The following CREBBP variants were observed in gnomAD, a reference collection of about 807,000 sequenced individuals.
CREBBP encodes CREB binding lysine acetyltransferase, also known as CREB-binding protein.
CREBBP carries 19 observed loss-of-function variants against 265.0 expected under a neutral mutation model. The observed-to-expected ratio is 0.07, with a 90% CI of 0.05 to 0.11. CREBBP has a LOEUF of 0.11. Among genes scored for constraint, CREBBP ranks in the 10% least tolerant of loss-of-function variants. The pLI is 1.00. For synonymous variants in CREBBP, 1,457 were observed against 1,223.7 expected (o/e 1.19, Z -3.98); for missense variants, 2,525 against 3,219.0 (o/e 0.78, Z 5.22).
At chr16:3,778,930 G>A in intron 8 of CREBBP, 113 bp from the exon 9 acceptor site, 1 of 825,750 alleles carries the variant, frequency 1.2e-6, no homozygotes, top group Non-Finnish European at 2.0e-6. Context: ...ACTTTGGGAG[G>A]CTGAGGCGGG....
intron 2 of CREBBP, among the ~76,000 whole-genome samples, chr16:3,828,570 A>T (rs986354477): frequency 6.6e-6 from 1 of 152,118 alleles, no homozygotes; most frequent in Non-Finnish European, 1.5e-5. Context: ...AATTAGACTC[A>T]CTCTCCAGGT....
intron 5 of CREBBP, among the ~76,000 whole-genome samples, chr16:3,783,408 T>C (rs2053318422): frequency 6.6e-6 from 1 of 152,236 alleles, no homozygotes; most frequent in African/African-American, 2.4e-5. Flanking sequence ...GCAGAGATGA[T>C]ACCTGGTCGG....
chr16:3,797,090 G>A (rs185078331), intron 3 of CREBBP, among the ~76,000 whole-genome samples: 2 of 152,144 alleles, frequency 1.3e-5, no homozygotes, highest in Admixed American at 6.5e-5. Flanking sequence ...GCATCCTTCA[G>A]ACTTTCCCAA....
rs1040657272 is a variant in CREBBP, at chr16:3,727,073, A to G, written c.*645T>C. The G allele has an allele frequency of 4.3e-6, 1 of 234,020 alleles. No individual in the cohort carries two copies. The highest frequency in any genetic ancestry group is 8.4e-6 in the Non-Finnish European group (1 of 118,384). 14.5% of individuals were successfully genotyped at this position (234,020 alleles called of 1,614,324 possible). A position where few individuals can be genotyped will look rare whatever the true frequency, so the allele number is the denominator to read the frequency against. ...TTTTGTCTAAAACCAGTTTTATCAG[A>G]GAAACAAAGCAACAATTTCTACATC... On this transcript the variant is annotated 3_prime_UTR_variant, in exon 31 of 31. Coordinates refer to ENST00000262367, the MANE Select transcript of CREBBP (RefSeq NM_004380.3).
At chr16:3,792,802 G>A (rs1340390347) in intron 4 of CREBBP, among the ~76,000 whole-genome samples, 2 of 152,238 alleles carry the variant, frequency 1.3e-5, no homozygotes, top group Non-Finnish European at 2.9e-5. Flanking sequence ...GAAATGAGGT[G>A]TCTGCGGTAA....
At chr16:3,814,197 T>TGTGTGTG (rs2053992115) in intron 2 of CREBBP, among the ~76,000 whole-genome samples, 1 of 110,098 alleles carries the variant, frequency 9.1e-6, no homozygotes, top group Non-Finnish European at 1.8e-5. Flanking sequence ...GTGTGTGTGT[T>TGTGTGTG]TGAGACAGAG....
At chr16:3,849,433 G>GTGTGTGTGTGTGATGTGCGTGACCT (rs2054755184) in intron 2 of CREBBP, among the ~76,000 whole-genome samples, 1 of 14,316 alleles carries the variant, frequency 7.0e-5, no homozygotes, top group African/African-American at 1.3e-4. Flanking sequence ...GTGTGTGTGT[G>GTGTGTGTGTGTGATGTGCGTGACCT]TGTGTGTGTG....
chr16:3,809,205 T>C, intron 3 of CREBBP, among the ~76,000 whole-genome samples: 1 of 150,672 alleles, frequency 6.6e-6, no homozygotes. Context: ...TGAGACAGAG[T>C]CTTGCTCTGC....
intron 1 of CREBBP, among the ~76,000 whole-genome samples, chr16:3,879,456 G>A (rs1318744715): frequency 1.3e-5 from 2 of 152,200 alleles, no homozygotes; most frequent in African/African-American, 4.8e-5. Context: ...AAGCATCAAA[G>A]GTACCCTCCG....
intron 24 of CREBBP, among the ~76,000 whole-genome samples, chr16:3,739,972 C>A (rs536803927): frequency 6.6e-6 from 1 of 152,216 alleles, no homozygotes; most frequent in Non-Finnish European, 1.5e-5. Flanking sequence ...CTGAGGAGGA[C>A]TGGCTATACA....
At chr16:3,806,092 G>A (rs990377303) in intron 3 of CREBBP, among the ~76,000 whole-genome samples, 2 of 152,222 alleles carry the variant, frequency 1.3e-5, no homozygotes, top group Admixed American at 1.3e-4. Flanking sequence ...GCCATGGACA[G>A]GTGCTGAGAC....
At chr16:3,837,660 A>T (rs2054482490) in intron 2 of CREBBP, among the ~76,000 whole-genome samples, 1 of 150,992 alleles carries the variant, frequency 6.6e-6, no homozygotes, top group South Asian at 2.1e-4. Context: ...AAAAAATTTT[A>T]AAATAGAAAA....
At chr16:3,851,305 T>TAAA (rs2054830531) in intron 1 of CREBBP, among the ~76,000 whole-genome samples, 1 of 69,002 alleles carries the variant, frequency 1.4e-5, no homozygotes, top group African/African-American at 6.7e-5. Context: ...AAAAAAAAAA[T>TAAA]TAAAAAAAAA....
intron 23 of CREBBP, chr16:3,740,784 C>G: frequency 6.9e-6 from 4 of 583,212 alleles, no homozygotes; most frequent in Non-Finnish European, 1.2e-5. Context: ...CCCAGGTAAC[C>G]TGCATCTTTT....
chr16:3,875,259 A>G (rs2055375542), intron 1 of CREBBP, among the ~76,000 whole-genome samples: 1 of 152,120 alleles, frequency 6.6e-6, no homozygotes, highest in Admixed American at 6.6e-5. Context: ...GTCCTTGCCT[A>G]CCTTCATCCC....
chr16:3,808,511 C>A (rs945087482), intron 3 of CREBBP, among the ~76,000 whole-genome samples: 1 of 152,228 alleles, frequency 6.6e-6, no homozygotes, highest in Non-Finnish European at 1.5e-5. Flanking sequence ...ACGGCTCCAG[C>A]CCTGCTGCAG....
intron 2 of CREBBP, among the ~76,000 whole-genome samples, chr16:3,835,595 T>C (rs2054430382): frequency 6.7e-6 from 1 of 149,950 alleles, no homozygotes; most frequent in Non-Finnish European, 1.5e-5. Flanking sequence ...TTTTTTTTTT[T>C]TTGAGACGGA....
rs149123202 is a variant in CREBBP at position 3,775,071 on chromosome 16, A to C, written c.2159-378T>G. 5.0e-3 allele frequency among the ~76,000 whole-genome samples: 756 copies of C among 152,278 alleles called. 8 individuals carry two copies. Among genetic ancestry groups the C allele is most frequent in the African/African-American group, 0.017 (724 of 41,550 alleles). ...TGAGGAGGTGCCCTGAAAGGACAGCACCCTCACAAGCTACAGAAGAGATGT... is the reference window on the plus strand; with the variant it reads ...TGAGGAGGTGCCCTGAAAGGACAGCCCCCTCACAAGCTACAGAAGAGATGT... On this transcript the variant is annotated intron_variant, in intron 11 of 30. Coordinates refer to ENST00000262367, the MANE Select transcript of CREBBP (RefSeq NM_004380.3).
At chr16:3,745,591 T>C (rs1046006197) in intron 21 of CREBBP, 118 of 552,778 alleles carry the variant, frequency 2.1e-4, no homozygotes, top group Middle Eastern at 1.4e-3. Context: ...TTTCTCCCAA[T>C]CTCCCTTTGC....
Sources: gnomAD v4.1 joint callset for allele counts (sites outside exome capture counted in the v4.1 genomes callset) on GRCh38, gnomAD v4.1.1 for gene constraint, MANE v1.5 for transcripts, NCBI Gene and HGNC (gene_info 2026-07-23, HGNC 2026-07-21) for gene names.